DOCK3: variants seen among roughly 807,000 people sequenced by gnomAD.
DOCK3 encodes dedicator of cytokinesis protein 3.
A neutral mutation model predicts 265.6 loss-of-function variants in DOCK3; 60 were observed. The ratio of observed to expected loss-of-function variants is 0.23; its 90% CI spans 0.18 to 0.28. The LOEUF (loss-of-function observed/expected upper bound fraction) is 0.28. Ranked by LOEUF, DOCK3 falls within the 10% of genes least tolerant of loss-of-function variation. The pLI is 1.00. For synonymous variants in DOCK3, 881 were observed against 938.0 expected (o/e 0.94, Z 1.11); for missense variants, 1,981 against 2,594.3 (o/e 0.76, Z 5.14).
At chr3:50,714,630 T>C (rs1362810341) in intron 1 of DOCK3, among the ~76,000 whole-genome samples, 1 of 152,188 alleles carries the variant, frequency 6.6e-6, no homozygotes, top group Non-Finnish European at 1.5e-5. Context: ...TTAAATTTTT[T>C]TGTAGAGATG....
chr3:50,699,011 T>C (rs1244702512), intron 1 of DOCK3, among the ~76,000 whole-genome samples: 1 of 152,236 alleles, frequency 6.6e-6, no homozygotes, highest in East Asian at 1.9e-4. Flanking sequence ...TTTTCTTTTG[T>C]TGTCAGTGCC....
At chr3:51,060,377 G>A (rs192217880) in intron 5 of DOCK3, among the ~76,000 whole-genome samples, 1 of 152,180 alleles carries the variant, frequency 6.6e-6, no homozygotes, top group East Asian at 1.9e-4. Flanking sequence ...TTCTTTTGCT[G>A]TGCAAAAGCT....
chr3:51,328,070 T>A (rs2084268614), intron 32 of DOCK3, among the ~76,000 whole-genome samples: 1 of 152,182 alleles, frequency 6.6e-6, no homozygotes, highest in Non-Finnish European at 1.5e-5. Flanking sequence ...GCACAACTTG[T>A]GTGCTCCCAC....
intron 5 of DOCK3, among the ~76,000 whole-genome samples, chr3:50,993,220 A>T (rs1186097166): frequency 6.6e-6 from 1 of 152,202 alleles, no homozygotes; most frequent in Admixed American, 6.5e-5. Context: ...CCCCTTGGCT[A>T]AAAGAGCTGT....
chr3:50,995,651 T>A (rs2078253513), intron 5 of DOCK3, among the ~76,000 whole-genome samples: 1 of 152,188 alleles, frequency 6.6e-6, no homozygotes, highest in South Asian at 2.1e-4. Flanking sequence ...ACAGTGAGTA[T>A]TACAGGCCTT....
chr3:50,939,563 G>C (rs935479622), intron 5 of DOCK3, among the ~76,000 whole-genome samples: 4 of 152,026 alleles, frequency 2.6e-5, no homozygotes, highest in Admixed American at 6.6e-5. Flanking sequence ...GTAATACAAG[G>C]ATGGTTCAGT....
At chr3:50,849,618 A>T (rs2046265233) in intron 3 of DOCK3, among the ~76,000 whole-genome samples, 1 of 152,112 alleles carries the variant, frequency 6.6e-6, no homozygotes, top group African/African-American at 2.4e-5. Context: ...CATGCCTGGG[A>T]TACAGTAATT....
At chr3:50,762,741 G>A (rs547950571) in intron 1 of DOCK3, among the ~76,000 whole-genome samples, 7 of 151,906 alleles carry the variant, frequency 4.6e-5, no homozygotes, top group East Asian at 3.9e-4. Context: ...ATGAAAGGGC[G>A]TTAGATTTTG....
chr3:51,028,114 G>A (rs898892445), intron 5 of DOCK3, among the ~76,000 whole-genome samples: 5 of 151,964 alleles, frequency 3.3e-5, no homozygotes, highest in Non-Finnish European at 7.4e-5. Context: ...ATTTCTTGTC[G>A]GGCTAGACTG....
At chr3:51,336,438 G>A (rs566731477) in intron 35 of DOCK3, among the ~76,000 whole-genome samples, 1 of 152,208 alleles carries the variant, frequency 6.6e-6, no homozygotes, top group African/African-American at 2.4e-5. Context: ...GCAACTGAGG[G>A]TTATGAAGCC....
At chr3:51,336,382 G>A (rs2084877739) in intron 35 of DOCK3, among the ~76,000 whole-genome samples, 1 of 151,834 alleles carries the variant, frequency 6.6e-6, no homozygotes, top group Non-Finnish European at 1.5e-5. Flanking sequence ...CAGAGCTAGA[G>A]TTGCCAAGCC....
chr3:50,701,888 T>G (rs1429368010), intron 1 of DOCK3, among the ~76,000 whole-genome samples: 4 of 152,220 alleles, frequency 2.6e-5, no homozygotes, highest in Non-Finnish European at 5.9e-5. Context: ...TAGGTGGATT[T>G]ATTTCTGGTT....
chr3:51,072,550 G>A (rs1036621427), intron 6 of DOCK3, among the ~76,000 whole-genome samples: 1 of 151,102 alleles, frequency 6.6e-6, no homozygotes, highest in African/African-American at 2.4e-5. Context: ...CAGGGATTAC[G>A]GACACCCACC....
At chr3:50,727,188 C>G (rs1044693000) in intron 1 of DOCK3, among the ~76,000 whole-genome samples, 1 of 152,142 alleles carries the variant, frequency 6.6e-6, no homozygotes, top group Admixed American at 6.5e-5. Flanking sequence ...AAGAGACCAA[C>G]ACAAACTGGT....
intron 10 of DOCK3, among the ~76,000 whole-genome samples, chr3:51,151,583 G>C (rs6803672): frequency 0.91 from 137,003 of 151,102 alleles, 62,181 homozygotes; most frequent in African/African-American, 0.95. Flanking sequence ...GCAGTTTCTT[G>C]CTAGCATCGA....
Position 50,989,375 on chromosome 3 carries a change from C to T in DOCK3, c.315+55298C>T, listed in dbSNP as rs76293890. On this transcript the variant is annotated intron_variant, in intron 5 of 52. Transcript: ENST00000266037. ...AGGAGTACCAAGTCACGATGTACAG[C>T]TAGCAGTCAGGGGGGAGAGGAACCC... Among the ~76,000 whole-genome samples the T allele has an allele frequency of 1.0e-3, 155 of 152,272 alleles. 6 individuals are homozygous for T. The East Asian group carries it at 0.027, about 26-fold the overall frequency.
At chr3:50,849,317 G>A (rs192599897) in intron 3 of DOCK3, among the ~76,000 whole-genome samples, 30 of 151,940 alleles carry the variant, frequency 2.0e-4, no homozygotes, top group Middle Eastern at 3.4e-3. Flanking sequence ...TTACAGGTGG[G>A]CGCCACCATG....
intron 1 of DOCK3, among the ~76,000 whole-genome samples, chr3:50,747,905 T>C (rs1405927120): frequency 2.0e-5 from 3 of 152,144 alleles, no homozygotes; most frequent in South Asian, 4.1e-4. Flanking sequence ...AAATATTTTG[T>C]TTTCTGCTAG....
intron 10 of DOCK3, among the ~76,000 whole-genome samples, chr3:51,151,959 G>A (rs2107399589): frequency 6.6e-6 from 1 of 152,216 alleles, no homozygotes; most frequent in South Asian, 2.1e-4. Context: ...TGGTGAATCT[G>A]ACAATTATGT....
Sources: gnomAD v4.1 joint callset for allele counts (sites outside exome capture counted in the v4.1 genomes callset) on GRCh38, gnomAD v4.1.1 for gene constraint, MANE v1.5 for transcripts, NCBI Gene and HGNC (gene_info 2026-07-23, HGNC 2026-07-21) for gene names.